The following CTNND1 variants were observed in gnomAD, a reference collection of about 807,000 sequenced individuals.
CTNND1 encodes the protein catenin delta 1.
In CTNND1, 16 loss-of-function variants were observed where a neutral mutation model predicts 112.1. The observed-to-expected ratio is 0.14, with a 90% CI of 0.10 to 0.22. The LOEUF (loss-of-function observed/expected upper bound fraction) is 0.22. Among genes scored for constraint, CTNND1 ranks in the 10% least tolerant of loss-of-function variants. The pLI is 1.00. For missense variants in CTNND1, 1,008 were observed against 1,257.0 expected, an observed-to-expected ratio of 0.80 and a Z score of 3.00; for synonymous variants, 420 against 446.5, an observed-to-expected ratio of 0.94 and a Z score of 0.75.
At chr11:57,810,577 G>T (rs192064781) in intron 16 of CTNND1, among the ~76,000 whole-genome samples, 1 of 151,734 alleles carries the variant, frequency 6.6e-6, no homozygotes, top group Admixed American at 6.6e-5. Flanking sequence ...AACCTGCCTC[G>T]GCCTCCCAAA....
rs1475117940 is a variant in CTNND1, at chr11:57,817,232, C to T, written c.*924C>T. On this transcript the variant is annotated 3_prime_UTR_variant, in exon 21 of 21. Transcript: ENST00000399050. The stretch of plus-strand genomic sequence containing the variant: ...GCAATTAGTCTGAAACTGGCTTCCC[C>T]ACTCCCCCGTTTCTCCTTTTCCTAT... 2.0e-5 allele frequency: 3 copies of T among 152,930 alleles called. No homozygotes were observed. Among genetic ancestry groups the T allele is most frequent in the Admixed American group, 1.3e-4 (2 of 15,278 alleles). The allele number at this position is 152,930 out of a possible 1,614,324, so 9.5% of individuals were successfully genotyped here.
At chr11:57,780,056 C>A (rs1196657119) in intron 1 of CTNND1, among the ~76,000 whole-genome samples, 1 of 31,780 alleles carries the variant, frequency 3.1e-5, no homozygotes. Flanking sequence ...ACTAGAATGA[C>A]TTTTTTTTTT....
At chr11:57,785,913 TG>T (rs2060083488) in intron 1 of CTNND1, among the ~76,000 whole-genome samples, 1 of 152,044 alleles carries the variant, frequency 6.6e-6, no homozygotes, top group African/African-American at 2.4e-5. Flanking sequence ...TTGGTCCTTC[TG>T]GGTATTTGAT....
At chr11:57,783,194 G>A (rs1195237803) in intron 1 of CTNND1, among the ~76,000 whole-genome samples, 1 of 152,164 alleles carries the variant, frequency 6.6e-6, no homozygotes, top group Non-Finnish European at 1.5e-5. Context: ...GCTGAAGCAG[G>A]AGAATTGCTT....
At chr11:57,780,136 C>G (rs1344373297) in intron 1 of CTNND1, among the ~76,000 whole-genome samples, 1 of 148,830 alleles carries the variant, frequency 6.7e-6, no homozygotes, top group Admixed American at 6.8e-5. Flanking sequence ...TGACTGCAGC[C>G]TGGAACCACC....
At chr11:57,790,385 C>CTTTT (rs1274143869) in intron 2 of CTNND1, among the ~76,000 whole-genome samples, 16 of 139,666 alleles carry the variant, frequency 1.1e-4, no homozygotes, top group Middle Eastern at 3.7e-3. Flanking sequence ...TTCTTTCTTT[C>CTTTT]TTTTTTTTTT....
chr11:57,776,238 G>C (rs1321322255), intron 1 of CTNND1, among the ~76,000 whole-genome samples: 1 of 152,168 alleles, frequency 6.6e-6, no homozygotes, highest in Non-Finnish European at 1.5e-5. Context: ...GGTCTCAGGA[G>C]GGGAGGGAGC....
chr11:57,780,055 A>T (rs1565297016), intron 1 of CTNND1, among the ~76,000 whole-genome samples: 7 of 35,498 alleles, frequency 2.0e-4, no homozygotes, highest in Non-Finnish European at 5.5e-4. Context: ...AACTAGAATG[A>T]CTTTTTTTTT....
At chr11:57,804,808 G>C (rs761795416) in intron 9 of CTNND1, 28 bp downstream of exon 9, 3 of 1,527,442 alleles carry the variant, frequency 2.0e-6, no homozygotes, top group African/African-American at 2.7e-5. Context: ...TTTAATGGCT[G>C]AGTGAATTTC....
chr11:57,786,677 T>C (rs2060175400), intron 1 of CTNND1, among the ~76,000 whole-genome samples: 1 of 152,220 alleles, frequency 6.6e-6, no homozygotes. Context: ...GAGAAGAATC[T>C]TTTTTCCTTA....
chr11:57,808,482 A>G lies in CTNND1; in HGVS notation c.2184A>G (p.Lys728=). The change falls in exon 14 of 21, where the codon AAA becomes AAG. Residue 728 remains lysine (K), a synonymous_variant. Transcript: ENST00000399050. ...LLTNEHERVV[K]AASGALRNLA... ...CTAATGAACATGAACGGGTGGTGAAAGCTGCATCTGGAGCACTGAGAAACC... is the reference window on the plus strand; with the variant it reads ...CTAATGAACATGAACGGGTGGTGAAGGCTGCATCTGGAGCACTGAGAAACC... 6.2e-7 allele frequency: 1 copy of G among 1,612,656 alleles called. No individual in the cohort carries two copies. The highest frequency in any genetic ancestry group is 8.5e-7 in the Non-Finnish European group (1 of 1,179,452).
chr11:57,778,182 A>G (rs930045553), intron 1 of CTNND1, among the ~76,000 whole-genome samples: 1 of 148,440 alleles, frequency 6.7e-6, no homozygotes, highest in Non-Finnish European at 1.5e-5. Context: ...ACCTGATTAA[A>G]CTGCCTCTTT....
chr11:57,766,432 G>A (rs1040476523), intron 1 of CTNND1, among the ~76,000 whole-genome samples: 2 of 152,192 alleles, frequency 1.3e-5, no homozygotes, highest in Admixed American at 1.3e-4. Flanking sequence ...TTTAAGAACC[G>A]AAATTAGTTT....
intron 4 of CTNND1, 81 bp from the exon 5 acceptor site, chr11:57,795,487 TCCAGGTTTA>T: frequency 1.4e-6 from 2 of 1,417,256 alleles, no homozygotes; most frequent in Non-Finnish European, 1.9e-6. Flanking sequence ...AGTCCCTGTC[TCCAGGTTTA>T]CCACTTATGC....
At chr11:57,786,190 ATTTT>A (rs10715396) in intron 1 of CTNND1, among the ~76,000 whole-genome samples, 7 of 132,568 alleles carry the variant, frequency 5.3e-5, no homozygotes, top group Non-Finnish European at 8.2e-5. Flanking sequence ...GAATTCTTTG[ATTTT>A]TTTTTTTTTT....
rs912136604 is a variant in CTNND1 at position 57,781,323 on chromosome 11, A to AT, written c.-213-7704dup. Among the ~76,000 whole-genome samples, 15 of 150,276 alleles carry AT rather than the reference A, an allele frequency of 1.0e-4. No individual in the cohort carries two copies. The South Asian group carries it at 1.3e-3, about 13-fold the overall frequency. The stretch of plus-strand genomic sequence containing the variant: ...TCTAAGGTTAAGCTTTTCCATGAAT[A>AT]TTTTTTTTTTCCGAGTCTAGGGTAT... On this transcript the variant is annotated intron_variant, in intron 1 of 20. Transcript: ENST00000399050.
rs753525635 is a variant in CTNND1, at chr11:57,791,614, G to A, written c.136G>A (p.Val46Ile). Reference protein sequence around the residue: ...HVSAQLERVRVSPQDANPLMA... With the variant: ...HVSAQLERVRISPQDANPLMA... Reference sequence around the variant, plus strand: ...CTCGGCGCAGCTGGAACGCGTCCGGGTCTCACCACAAGATGCCAACCCACT... The same window carrying A: ...CTCGGCGCAGCTGGAACGCGTCCGGATCTCACCACAAGATGCCAACCCACT... Residue 46 changes from valine (V) to isoleucine (I), a missense_variant, in exon 3 of 21, where the codon GTC becomes ATC. Coordinates refer to ENST00000399050, the MANE Select transcript of CTNND1 (RefSeq NM_001085458.2). 6.2e-7 allele frequency: 1 copy of A among 1,607,432 alleles called. No homozygotes were observed. The highest frequency in any genetic ancestry group is 1.7e-5 in the Admixed American group (1 of 58,820).
At chr11:57,772,522 G>T (rs564024249) in intron 1 of CTNND1, among the ~76,000 whole-genome samples, 1 of 152,172 alleles carries the variant, frequency 6.6e-6, no homozygotes, top group Admixed American at 6.5e-5. Flanking sequence ...TTTCTGTCTT[G>T]CACATTGGGA....
Position 57,810,095 on chromosome 11 carries a change from A to C in CTNND1, c.2436-14A>C, listed in dbSNP as rs1314446535. 9 of 1,589,578 alleles carry C rather than the reference A, an allele frequency of 5.7e-6. No homozygotes were observed. Among genetic ancestry groups the C allele is most frequent in the Non-Finnish European group, 6.9e-6 (8 of 1,165,048 alleles). On this transcript the variant is annotated splice_polypyrimidine_tract_variant and intron_variant, in intron 15 of 20. Transcript: ENST00000399050. ...TTATATCCAAATTCCGTATGGTGTT[A>C]CTTTCCTCCAAAGGAACCGCTCAGA... is the stretch of plus-strand genomic sequence containing the variant.
Sources: allele counts gnomAD v4.1 joint callset (sites outside exome capture counted in the v4.1 genomes callset), GRCh38; gene constraint gnomAD v4.1.1; transcripts MANE v1.5; gene names NCBI Gene and HGNC (gene_info 2026-07-23, HGNC 2026-07-21).